Variants in CERKL observed in about 807,000 individuals in gnomAD.
The protein encoded by CERKL is ceramide kinase-like protein.
Under a neutral mutation model 63.4 loss-of-function variants are expected in CERKL, and 61 were observed. That is an observed-to-expected ratio of 0.96 (90% CI 0.78 to 1.19). The LOEUF is 1.19. Ranked by LOEUF, CERKL falls within the 50% of genes most tolerant of loss-of-function variation. The pLI, the probability that CERKL is intolerant of heterozygous loss-of-function variation, is 0.00. For synonymous variants in CERKL, 250 were observed against 230.5 expected (o/e 1.08, Z -0.77); for missense variants, 675 against 655.5 (o/e 1.03, Z -0.33).
chr2:181,604,173 A>G (rs1474731138), intron 1 of CERKL, 94 bp from the exon 2 acceptor site: 1 of 1,005,716 alleles, frequency 9.9e-7, no homozygotes, highest in Non-Finnish European at 1.5e-6. Flanking sequence ...AAAGTGAGCA[A>G]AGGGAGAGGA....
At chr2:181,564,061 C>T (rs140232898) in intron 4 of CERKL, among the ~76,000 whole-genome samples, 15 of 152,036 alleles carry the variant, frequency 9.9e-5, no homozygotes, top group African/African-American at 3.6e-4. Flanking sequence ...ATCAAGAGCA[C>T]GCAACCTAGA....
At chr2:181,628,387 G>A (rs944754721) in intron 1 of CERKL, among the ~76,000 whole-genome samples, 2 of 152,198 alleles carry the variant, frequency 1.3e-5, no homozygotes, top group African/African-American at 4.8e-5. Context: ...AGATAATACA[G>A]AAAGTACTGT....
chr2:181,577,540 TACA>T (rs1684304841), intron 2 of CERKL, among the ~76,000 whole-genome samples: 1 of 152,184 alleles, frequency 6.6e-6, no homozygotes, highest in Admixed American at 6.5e-5. Context: ...GTGTCTCTAT[TACA>T]ACAAGAATGT....
At chr2:181,622,341 G>A (rs1022857544) in intron 1 of CERKL, among the ~76,000 whole-genome samples, 3 of 152,122 alleles carry the variant, frequency 2.0e-5, no homozygotes, top group African/African-American at 7.2e-5. Context: ...TGCCTCTGTG[G>A]CAGAAGAGGC....
chr2:181,633,710 C>T (rs1443824581), intron 1 of CERKL, among the ~76,000 whole-genome samples: 1 of 152,122 alleles, frequency 6.6e-6, no homozygotes, highest in Non-Finnish European at 1.5e-5. Context: ...CAGTCAAGAT[C>T]ATGAAAAGCA....
chr2:181,623,561 G>A (rs1047325965), intron 1 of CERKL, among the ~76,000 whole-genome samples: 7 of 152,120 alleles, frequency 4.6e-5, no homozygotes, highest in African/African-American at 9.7e-5. Flanking sequence ...TTTCAATATC[G>A]TTAATTGGAA....
rs150323196 is a variant in CERKL, at chr2:181,573,823, T to G, written c.543A>C (p.Glu181Asp). The change falls in exon 3 of 13, where the codon GAA becomes GAC. Residue 181 changes from glutamate to aspartate, a missense_variant. Coordinates refer to ENST00000410087, the MANE Select transcript of CERKL (RefSeq NM_201548.5). ...CCTTCTCATAATAAACCTGGGTAGC[T>G]TCTTTTTTGTGACTTTGGGGGTTAA... ...ILLNPQSHKK[E>D]ATQVYYEKVE... 3.7e-6 allele frequency: 6 copies of G among 1,612,476 alleles called. No homozygotes were observed. Among genetic ancestry groups the G allele is most frequent in the Non-Finnish European group, 5.1e-6 (6 of 1,179,118 alleles).
intron 2 of CERKL, among the ~76,000 whole-genome samples, chr2:181,582,418 T>G (rs1482937495): frequency 6.6e-6 from 1 of 152,080 alleles, no homozygotes; most frequent in East Asian, 1.9e-4. Context: ...TGTACTACAG[T>G]CATATCTTCT....
At chr2:181,593,544 A>C (rs967415748) in intron 2 of CERKL, among the ~76,000 whole-genome samples, 5 of 152,044 alleles carry the variant, frequency 3.3e-5, no homozygotes, top group African/African-American at 1.2e-4. Flanking sequence ...AAAAAAAAAA[A>C]AAACTAAAAC....
At chr2:181,557,071 G>A (rs1214123200) in intron 5 of CERKL, among the ~76,000 whole-genome samples, 11 of 152,214 alleles carry the variant, frequency 7.2e-5, no homozygotes, top group East Asian at 1.9e-4. Context: ...CATATCCTTC[G>A]CCCACTTGTT....
At chr2:181,609,138 G>A (rs1685846832) in intron 1 of CERKL, among the ~76,000 whole-genome samples, 2 of 151,728 alleles carry the variant, frequency 1.3e-5, no homozygotes, top group South Asian at 2.1e-4. Flanking sequence ...TAAGTTTCAG[G>A]GTACATGTGC....
intron 8 of CERKL, 138 bp downstream of exon 8, chr2:181,548,407 G>C: frequency 1.4e-6 from 1 of 719,490 alleles, no homozygotes; most frequent in Non-Finnish European, 2.4e-6. Context: ...ACTAGGACCT[G>C]TAAGAGTCTG....
At chr2:181,616,208 T>A (rs1686188311) in intron 1 of CERKL, among the ~76,000 whole-genome samples, 1 of 40,240 alleles carries the variant, frequency 2.5e-5, no homozygotes, top group Non-Finnish European at 6.8e-5. Context: ...AAATCTAAAT[T>A]TTTTTTTTTT....
At chr2:181,590,185 T>C (rs1037178400) in intron 2 of CERKL, among the ~76,000 whole-genome samples, 38 of 152,044 alleles carry the variant, frequency 2.5e-4, no homozygotes, top group Non-Finnish European at 1.0e-4. Context: ...TTGCCCACTC[T>C]GGAGTGCAGT....
chr2:181,618,025 A>G (rs1686277097), intron 1 of CERKL, among the ~76,000 whole-genome samples: 1 of 152,220 alleles, frequency 6.6e-6, no homozygotes, highest in Non-Finnish European at 1.5e-5. Flanking sequence ...AAAAACTCAG[A>G]AAGTCAAATA....
intron 2 of CERKL, among the ~76,000 whole-genome samples, chr2:181,601,475 T>C (rs1197031335): frequency 2.0e-5 from 3 of 151,726 alleles, no homozygotes; most frequent in East Asian, 3.9e-4. Flanking sequence ...GCAGGGAGAA[T>C]TGCTCAAACC....
chr2:181,542,515 T>C (rs116200696), intron 11 of CERKL, among the ~76,000 whole-genome samples: 1 of 152,160 alleles, frequency 6.6e-6, no homozygotes, highest in African/African-American at 2.4e-5. Flanking sequence ...AGAGCCTAAA[T>C]AAACACACCT....
intron 1 of CERKL, among the ~76,000 whole-genome samples, chr2:181,644,465 G>A (rs916617980): frequency 2.0e-5 from 3 of 152,204 alleles, no homozygotes; most frequent in African/African-American, 7.2e-5. Context: ...TGTAGTCAAT[G>A]AAAAAGATAT....
intron 2 of CERKL, among the ~76,000 whole-genome samples, chr2:181,592,310 A>T (rs1685021503): frequency 6.6e-6 from 1 of 152,340 alleles, no homozygotes; most frequent in South Asian, 2.1e-4. Flanking sequence ...TGTTACTTAC[A>T]GACATGTTAG....
Sources: allele counts gnomAD v4.1 joint callset (sites outside exome capture counted in the v4.1 genomes callset), GRCh38; gene constraint gnomAD v4.1.1; transcripts MANE v1.5; gene names NCBI Gene and HGNC (gene_info 2026-07-23, HGNC 2026-07-21).